Variants in LDLRAD3 observed in about 807,000 individuals in gnomAD.
LDLRAD3 encodes the protein low density lipoprotein receptor class A domain containing 3, also known as low-density lipoprotein receptor class A domain-containing protein 3.
LDLRAD3 carries 20 observed loss-of-function variants against 29.4 expected under a neutral mutation model. The observed-to-expected ratio is 0.68, with a 90% CI of 0.48 to 0.99. The LOEUF is 0.99. LDLRAD3 is among the 50% of genes least tolerant of loss of function. The pLI, the probability that LDLRAD3 is intolerant of heterozygous loss-of-function variation, is 0.00. For synonymous variants in LDLRAD3, 157 were observed against 192.7 expected (o/e 0.81, Z 1.53); for missense variants, 420 against 454.3 (o/e 0.92, Z 0.69).
chr11:36,227,228 CG>C lies in LDLRAD3; in HGVS notation c.600del (p.Asn201ThrfsTer4). On this transcript the variant is annotated frameshift_variant, in exon 5 of 6. Coordinates refer to ENST00000315571, the MANE Select transcript of LDLRAD3 (RefSeq NM_174902.4). LOFTEE classifies it high-confidence loss of function. Reference sequence around the variant, plus strand: ...ACTGGTCTTGCACCACCAGCGGAAGCGGAACAACCTCATGACGCTGCCCGTG... The same window carrying C: ...ACTGGTCTTGCACCACCAGCGGAAGCGAACAACCTCATGACGCTGCCCGTG... ...LALVLHHQRKRNNLMTLPVHR... is the reference protein window; with the variant it reads ...LALVLHHQRKXNNLMTLPVHR... The C allele has an allele frequency of 6.2e-7, 1 of 1,614,216 alleles. No homozygotes were observed. Among genetic ancestry groups the C allele is most frequent in the Non-Finnish European group, 8.5e-7 (1 of 1,180,034 alleles).
chr11:36,164,279 G>A (rs975167601), intron 4 of LDLRAD3, among the ~76,000 whole-genome samples: 2 of 152,222 alleles, frequency 1.3e-5, no homozygotes, highest in South Asian at 4.1e-4. Flanking sequence ...TGCTGATGCT[G>A]TTTCACCTAT....
intron 4 of LDLRAD3, among the ~76,000 whole-genome samples, chr11:36,180,539 G>A (rs975689708): frequency 2.0e-5 from 3 of 152,160 alleles, no homozygotes; most frequent in African/African-American, 2.4e-5. Flanking sequence ...GACAGGAGGC[G>A]TGTGCCAGAC....
intron 4 of LDLRAD3, among the ~76,000 whole-genome samples, chr11:36,184,638 T>C (rs75356114): frequency 0.042 from 6,352 of 152,308 alleles, 180 homozygotes; most frequent in Non-Finnish European, 0.061. Context: ...AACCAAGTTT[T>C]TGAGGTTCCC....
At position 36,227,197 on chromosome 11, in the gene LDLRAD3, G is replaced by A. The variant is rs1380783565; in HGVS notation, c.567G>A (p.Leu189=). 5.6e-6 allele frequency: 9 copies of A among 1,614,022 alleles called. No homozygotes were observed. The highest frequency in any genetic ancestry group is 1.7e-5 in the Admixed American group (1 of 59,998). The change falls in exon 5 of 6, where the codon CTG becomes CTA. Residue 189 remains leucine (L), a synonymous_variant. Transcript: ENST00000315571. ...SSVIFVLVVA[L]LALVLHHQRK... ...TCATTTTTGTGCTGGTGGTGGCCCT[G>A]CTGGCACTGGTCTTGCACCACCAGC...
At chr11:35,965,662 G>C (rs549897284) in intron 1 of LDLRAD3, among the ~76,000 whole-genome samples, 1 of 152,114 alleles carries the variant, frequency 6.6e-6, no homozygotes, top group Non-Finnish European at 1.5e-5. Context: ...AGAGATGGGG[G>C]AATAAGATTT....
rs887644369 is a variant in LDLRAD3, at chr11:35,960,975, G to A, written c.46+16831G>A. Among the ~76,000 whole-genome samples, 5 of 152,320 alleles carry A rather than the reference G, an allele frequency of 3.3e-5. No homozygotes were observed. The East Asian group carries it at 9.7e-4, about 29-fold the overall frequency. On this transcript the variant is annotated intron_variant, in intron 1 of 5. Transcript: ENST00000315571. ...GGCCAGGCCTGTTCCCTCATCTCCC[G>A]CTGAGGTGGATAATGGATGGGGAAC...
rs1279929124 is a variant in LDLRAD3, at chr11:36,140,992, T to TTCTTTC, written c.454+42534_454+42535insTTCTCT. Among the ~76,000 whole-genome samples, 460 of 110,048 alleles carry TTCTTTC rather than the reference T, an allele frequency of 4.2e-3. 5 individuals carry two copies. The highest frequency in any genetic ancestry group is 0.014 in the African/African-American group (449 of 31,334). 72.2% of individuals were successfully genotyped at this position (110,048 alleles called of 152,430 possible). A position where few individuals can be genotyped will look rare whatever the true frequency, so the allele number is the denominator to read the frequency against. The stretch of plus-strand genomic sequence containing the variant: ...TTTTAATTCTGGGTGCTGTTGAGCT[T>TTCTTTC]TCTCTCTCTCTCTCTCTCTCTCTCT... On this transcript the variant is annotated intron_variant, in intron 4 of 5. Transcript: ENST00000315571.
chr11:36,081,468 AT>A (rs1853112573), intron 2 of LDLRAD3, among the ~76,000 whole-genome samples, 184 bp from the exon 3 acceptor site: 1 of 152,148 alleles, frequency 6.6e-6, no homozygotes, highest in Non-Finnish European at 1.5e-5. Context: ...TCTCTAGACA[AT>A]GTGGCGTGTG....
At chr11:36,116,929 C>T (rs1360168317) in intron 4 of LDLRAD3, among the ~76,000 whole-genome samples, 1 of 151,406 alleles carries the variant, frequency 6.6e-6, no homozygotes, top group Non-Finnish European at 1.5e-5. Flanking sequence ...GCAACCTCTG[C>T]CTCCCGGGTT....
intron 4 of LDLRAD3, among the ~76,000 whole-genome samples, chr11:36,146,002 T>TAAAAAAAAAAAAAA (rs367591997): frequency 7.2e-6 from 1 of 138,678 alleles, no homozygotes; most frequent in African/African-American, 2.8e-5. Flanking sequence ...GAATGATCAA[T>TAAAAAAAAAAAAAA]AAAAAAAAGA....
At chr11:36,000,885 C>T (rs73448462) in intron 1 of LDLRAD3, among the ~76,000 whole-genome samples, 6,083 of 151,836 alleles carry the variant, frequency 0.04, 394 homozygotes, top group African/African-American at 0.14. Flanking sequence ...CAGAGGTGGG[C>T]GGGTAGGGGA....
intron 3 of LDLRAD3, among the ~76,000 whole-genome samples, chr11:36,091,283 G>A (rs1014659438): frequency 2.6e-5 from 4 of 152,160 alleles, no homozygotes; most frequent in Non-Finnish European, 5.9e-5. Context: ...GGTAGGAGAG[G>A]AGCCGACTTC....
At chr11:36,157,635 G>A (rs569341253) in intron 4 of LDLRAD3, among the ~76,000 whole-genome samples, 11 of 152,230 alleles carry the variant, frequency 7.2e-5, no homozygotes, top group Admixed American at 5.9e-4. Flanking sequence ...ACTATTTTGC[G>A]GGTCTCTGTT....
At chr11:35,988,445 TC>T (rs1450439351) in intron 1 of LDLRAD3, among the ~76,000 whole-genome samples, 16 of 152,352 alleles carry the variant, frequency 1.1e-4, no homozygotes, top group Middle Eastern at 3.4e-3. Context: ...CGAATTAAGT[TC>T]CTTATGGATT....
rs1176650662 is a variant in LDLRAD3, at chr11:36,054,823, AGGTGGATGGATGGATGAATGGATG to A, written c.193+18576_193+18599del. On this transcript the variant is annotated intron_variant, in intron 2 of 5. Transcript: ENST00000315571. ...ATGGATGGATGATGTGTGGATGGAT[AGGTGGATGGATGGATGAATGGATG>A]GATGGATGGATGGATGGATGAATGG... Among the ~76,000 whole-genome samples the A allele has an allele frequency of 9.0e-5, 9 of 99,922 alleles. No homozygotes were observed. In the South Asian group the frequency reaches 3.1e-3, roughly 35 times the overall value. The allele number at this position is 99,922 out of a possible 152,430, so 65.6% of individuals were successfully genotyped here.
chr11:36,203,205 C>T (rs963555956), intron 4 of LDLRAD3, among the ~76,000 whole-genome samples: 13 of 152,204 alleles, frequency 8.5e-5, no homozygotes, highest in Admixed American at 5.2e-4. Context: ...TGGCCTCAAG[C>T]GATCCTCCCA....
At chr11:36,174,899 A>G (rs1343515790) in intron 4 of LDLRAD3, among the ~76,000 whole-genome samples, 7 of 152,110 alleles carry the variant, frequency 4.6e-5, no homozygotes, top group African/African-American at 1.7e-4. Context: ...GGAGAATGGC[A>G]TGAACCCAGG....
chr11:36,206,955 T>G, intron 4 of LDLRAD3, among the ~76,000 whole-genome samples: 1 of 152,120 alleles, frequency 6.6e-6, no homozygotes, highest in East Asian at 1.9e-4. Flanking sequence ...CTCAAACTCT[T>G]GACCTCGTGA....
intron 2 of LDLRAD3, among the ~76,000 whole-genome samples, chr11:36,072,996 G>C (rs932290085): frequency 1.4e-5 from 2 of 140,646 alleles, no homozygotes; most frequent in African/African-American, 2.7e-5. Context: ...TTTCAGGGTG[G>C]AGAGTTCTTT....
Sources: gnomAD v4.1 joint callset for allele counts (sites outside exome capture counted in the v4.1 genomes callset) on GRCh38, gnomAD v4.1.1 for gene constraint, MANE v1.5 for transcripts, NCBI Gene and HGNC (gene_info 2026-07-23, HGNC 2026-07-21) for gene names.